The following MCM10 variants were observed in gnomAD, a reference collection of about 807,000 sequenced individuals.
The protein encoded by MCM10 is minichromosome maintenance 10 replication initiation factor, also known as protein MCM10 homolog.
A neutral mutation model predicts 109.9 loss-of-function variants in MCM10; 91 were observed. That is an observed-to-expected ratio of 0.83 (90% CI 0.70 to 0.99). The LOEUF (loss-of-function observed/expected upper bound fraction) is 0.99, where lower values mean the gene tolerates loss of function less well. Ranked by LOEUF, MCM10 falls within the 50% of genes least tolerant of loss-of-function variation. MCM10 has a pLI of 0.00. For missense variants in MCM10, 1,077 were observed against 1,061.2 expected (o/e 1.01, Z -0.21); for synonymous variants, 380 against 387.2 (o/e 0.98, Z 0.22).
intron 8 of MCM10, among the ~76,000 whole-genome samples, chr10:13,185,041 A>G (rs958781005): frequency 5.3e-5 from 8 of 152,174 alleles, no homozygotes; most frequent in Non-Finnish European, 1.2e-4. Context: ...TGCCTACAGG[A>G]GTATGCATCC....
chr10:13,205,998 T>C (rs1834575377), intron 18 of MCM10, among the ~76,000 whole-genome samples: 1 of 152,186 alleles, frequency 6.6e-6, no homozygotes, highest in South Asian at 2.1e-4. Flanking sequence ...GTCCATCCAG[T>C]GCCCTCCCTG....
chr10:13,172,800 TTGTATG>T lies in MCM10; in HGVS notation c.592+39_592+44del. ...TTGCGGTCTCAGTATCTTGGCACTA[TTGTATG>T]TGTTTATGTGTGTGGGGGTGTTCAT... On this transcript the variant is annotated intron_variant, in intron 5 of 19. Coordinates refer to ENST00000378714, the MANE Select transcript of MCM10 (RefSeq NM_018518.5). The surrounding 1 kb of genome is among the most constrained non-coding windows in gnomAD (Gnocchi z 5.2). The T allele has an allele frequency of 6.2e-7, 1 of 1,603,684 alleles. No individual in the cohort carries two copies. The highest frequency in any genetic ancestry group is 8.5e-7 in the Non-Finnish European group (1 of 1,172,072).
chr10:13,207,437 G>A (rs1167079918), intron 18 of MCM10, among the ~76,000 whole-genome samples: 1 of 152,172 alleles, frequency 6.6e-6, no homozygotes, highest in Non-Finnish European at 1.5e-5. Flanking sequence ...AGAGGTGGAA[G>A]GTGATGGTTG....
chr10:13,178,590 C>T (rs144159454), intron 6 of MCM10, among the ~76,000 whole-genome samples: 120 of 152,276 alleles, frequency 7.9e-4, no homozygotes, highest in African/African-American at 2.7e-3. Flanking sequence ...TATGCCAGTA[C>T]CATGCTGTTT....
At chr10:13,196,525 T>TA (rs1224551472) in intron 14 of MCM10, among the ~76,000 whole-genome samples, 1 of 152,134 alleles carries the variant, frequency 6.6e-6, no homozygotes, top group African/African-American at 2.4e-5. Flanking sequence ...TATATATATA[T>TA]TTTTTGAGAT....
At chr10:13,201,828 A>G (rs954446928) in intron 17 of MCM10, 5 of 307,802 alleles carry the variant, frequency 1.6e-5, no homozygotes, top group Non-Finnish European at 3.1e-5. Context: ...CGTGGCTCTG[A>G]CTGCTCTTTC....
In MCM10 at chr10:13,187,361, G is replaced by A. The variant is rs531820590; in HGVS notation, c.1215+1081G>A. Among the ~76,000 whole-genome samples, 187 of 152,252 alleles carry A rather than the reference G, an allele frequency of 1.2e-3. 1 individual carries two copies. The highest frequency in any genetic ancestry group is 3.9e-3 in the African/African-American group (161 of 41,540). ...ATTCCATTGTATGGATATACCATAC[G>A]TTGTTTATTCTTTCATCAGTTGATA... On this transcript the variant is annotated intron_variant, in intron 9 of 19. Coordinates refer to ENST00000378714, the MANE Select transcript of MCM10 (RefSeq NM_018518.5).
Position 13,172,701 on chromosome 10 carries a change from G to A in MCM10, c.528G>A (p.Glu176=), listed in dbSNP as rs111422839. ...RIQESTCFSA[E]LDVPALPRTK... ...AGGAGTCAACATGCTTTTCTGCGGA[G>A]CTTGATGTCCCTGCGCTACCAAGAA... is the stretch of plus-strand genomic sequence containing the variant. Residue 176 remains glutamate (E), a synonymous_variant, in exon 5 of 20, where the codon GAG becomes GAA. Transcript: ENST00000378714. This position sits in a 1 kb window ranked among gnomAD's most constrained non-coding sequence, Gnocchi z 5.2. 12 of 1,614,050 alleles carry A rather than the reference G, an allele frequency of 7.4e-6. No homozygotes were observed. In the African/African-American group the frequency reaches 9.3e-5, roughly 13 times the overall value.
Position 13,171,089 on chromosome 10 carries a change from G to A in MCM10, c.175G>A (p.Ala59Thr). ...DGDGESYTEE[A>T]DDGETGETRD... is the part of the protein sequence containing the mutation. ...CGACGGTGAATCTTATACAGAAGAG[G>A]CTGATGATGGAGAAACAGGAGAGAC... The change falls in exon 3 of 20, where the codon GCT becomes ACT. Residue 59 changes from alanine (A) to threonine (T), a missense_variant. Physicochemically the swap from Ala to Thr is moderately conservative, Grantham distance 58. Coordinates refer to ENST00000378714, the MANE Select transcript of MCM10 (RefSeq NM_018518.5). The A allele has an allele frequency of 1.9e-6, 3 of 1,614,206 alleles. No homozygotes were observed. Among genetic ancestry groups the A allele is most frequent in the Non-Finnish European group, 2.5e-6 (3 of 1,180,044 alleles).
In MCM10 at chr10:13,189,019, C is replaced by A. The variant is rs202032831; in HGVS notation, c.1354C>A (p.Arg452=). Residue 452 remains arginine (R), a synonymous_variant, in exon 10 of 20, where the codon CGG becomes AGG. Transcript: ENST00000378714. ...FARRGTSLKE[R]LCQDGFYYGG... ...CCGCAGAGGCACCAGCCTCAAAGAA[C>A]GGCTGTGCCAAGATGGCTTTTACTA... is the stretch of plus-strand genomic sequence containing the variant. 10 of 1,614,120 alleles carry A rather than the reference C, an allele frequency of 6.2e-6. No individual in the cohort carries two copies. Among genetic ancestry groups the A allele is most frequent in the African/African-American group, 1.3e-5 (1 of 74,940 alleles).
intron 6 of MCM10, among the ~76,000 whole-genome samples, chr10:13,178,892 CT>C (rs1834174748): frequency 6.6e-6 from 1 of 152,100 alleles, no homozygotes; most frequent in Non-Finnish European, 1.5e-5. Context: ...GCATCAATGT[CT>C]TTTAGTTTTT....
rs1472422644 is a variant in MCM10, at chr10:13,191,408, GTT to G, written c.1516+13_1516+14del. ...AACACGGCAAAAACTCGGTAACTTT[GTT>G]TTTCCATAAGAAATTTCTTTCTCCA... On this transcript the variant is annotated intron_variant, in intron 11 of 19. Transcript: ENST00000378714. 3.1e-6 allele frequency: 5 copies of G among 1,609,128 alleles called. No individual in the cohort carries two copies. The highest frequency in any genetic ancestry group is 4.3e-6 in the Non-Finnish European group (5 of 1,175,720).
At chr10:13,207,540 G>C (rs1391375712) in intron 18 of MCM10, among the ~76,000 whole-genome samples, 3 of 152,168 alleles carry the variant, frequency 2.0e-5, no homozygotes, top group Non-Finnish European at 4.4e-5. Context: ...ATCTCATCTT[G>C]AATGGTAGCT....
Position 13,209,339 on chromosome 10 carries a change from T to A in MCM10, c.*29T>A. On this transcript the variant is annotated 3_prime_UTR_variant, in exon 20 of 20. Coordinates refer to ENST00000378714, the MANE Select transcript of MCM10 (RefSeq NM_018518.5). ...GAACTTCAGACATTTTCCCACAGAC[T>A]TCCTGGCCTCCTGTGACTCTGGAAA... is the stretch of plus-strand genomic sequence containing the variant. 1 of 1,556,490 alleles carries A rather than the reference T, an allele frequency of 6.4e-7. No individual in the cohort carries two copies. Among genetic ancestry groups the A allele is most frequent in the Non-Finnish European group, 8.9e-7 (1 of 1,129,386 alleles).
At chr10:13,204,144 T>A (rs1418496550) in intron 17 of MCM10, 75 bp from the exon 18 acceptor site, 1 of 1,550,404 alleles carries the variant, frequency 6.4e-7, no homozygotes, top group Non-Finnish European at 8.8e-7. Flanking sequence ...TGGAGCAGAT[T>A]GCCCTTACTG....
At chr10:13,196,807 C>T (rs1172821408) in intron 14 of MCM10, among the ~76,000 whole-genome samples, 2 of 151,826 alleles carry the variant, frequency 1.3e-5, no homozygotes, top group Non-Finnish European at 2.9e-5. Context: ...GCCACTGCGC[C>T]CGGCCAGGAA....
At position 13,182,819 on chromosome 10, in the gene MCM10, A is replaced by T. The variant is rs767518251; in HGVS notation, c.931-114A>T. The T allele has an allele frequency of 1.3e-6, 1 of 747,060 alleles. No homozygotes were observed. The highest frequency in any genetic ancestry group is 2.1e-6 in the Non-Finnish European group (1 of 473,452). The allele number at this position is 747,060 out of a possible 1,614,324, so 46.3% of individuals were successfully genotyped here. On this transcript the variant is annotated intron_variant, in intron 7 of 19. Transcript: ENST00000378714. This position sits in a 1 kb window ranked among gnomAD's most constrained non-coding sequence, Gnocchi z 4.2. ...TACATATTTGAATAACAACAAAAAAACTTGGATTTTATGGATTATAGGCAT... is the reference window on the plus strand; with the variant it reads ...TACATATTTGAATAACAACAAAAAATCTTGGATTTTATGGATTATAGGCAT...
intron 18 of MCM10, among the ~76,000 whole-genome samples, chr10:13,208,536 C>T (rs199747381): frequency 1.6e-5 from 2 of 123,240 alleles, no homozygotes; most frequent in South Asian, 2.6e-4. Context: ...TTGAGGCCAG[C>T]GTGGGCAACA....
chr10:13,166,650 AT>A (rs773916020), intron 2 of MCM10, among the ~76,000 whole-genome samples: 26,940 of 94,354 alleles, frequency 0.29, 3,964 homozygotes, highest in Non-Finnish European at 0.35. Flanking sequence ...AAAAAAAAAA[AT>A]ACATACATAC....
Sources: gnomAD v4.1 joint callset for allele counts (sites outside exome capture counted in the v4.1 genomes callset) on GRCh38, gnomAD v4.1.1 for gene constraint, Gnocchi (gnomAD v3.1) non-coding constraint, MANE v1.5 for transcripts, NCBI Gene and HGNC (gene_info 2026-07-23, HGNC 2026-07-21) for gene names.